Variants in GALNT10 observed in about 807,000 individuals in gnomAD.
GALNT10 encodes the protein GalNAc transferase 10.
A neutral mutation model predicts 75.0 loss-of-function variants in GALNT10; 41 were observed. The observed-to-expected ratio is 0.55, with a 90% CI of 0.43 to 0.71. The LOEUF is 0.71. Ranked by LOEUF, GALNT10 falls within the 30% of genes least tolerant of loss-of-function variation. The pLI is 0.00. For missense variants in GALNT10, 727 were observed against 818.5 expected (o/e 0.89, Z 1.36); for synonymous variants, 302 against 313.0 (o/e 0.96, Z 0.37).
At chr5:154,248,997 A>C (rs1374562338) in intron 1 of GALNT10, among the ~76,000 whole-genome samples, 1 of 152,250 alleles carries the variant, frequency 6.6e-6, no homozygotes, top group Non-Finnish European at 1.5e-5. Flanking sequence ...GTTTTGAAAG[A>C]GCTCTCAGTA....
At chr5:154,304,148 G>T (rs1754397276) in intron 3 of GALNT10, among the ~76,000 whole-genome samples, 1 of 152,014 alleles carries the variant, frequency 6.6e-6, no homozygotes, top group Non-Finnish European at 1.5e-5. Flanking sequence ...TTGAAAAGAG[G>T]TTCAATTACC....
At chr5:154,364,347 A>G (rs1184985866) in intron 4 of GALNT10, among the ~76,000 whole-genome samples, 1 of 152,172 alleles carries the variant, frequency 6.6e-6, no homozygotes, top group Non-Finnish European at 1.5e-5. Context: ...TGTGAATGAG[A>G]TGAGAGGTGA....
intron 1 of GALNT10, among the ~76,000 whole-genome samples, chr5:154,280,732 A>C (rs1042600363): frequency 6.6e-6 from 1 of 152,156 alleles, no homozygotes; most frequent in Non-Finnish European, 1.5e-5. Context: ...TTTCTCACAT[A>C]CTTTCTTCTA....
intron 4 of GALNT10, among the ~76,000 whole-genome samples, chr5:154,333,244 A>T (rs943638762): frequency 1.3e-5 from 2 of 152,140 alleles, no homozygotes; most frequent in Non-Finnish European, 2.9e-5. Context: ...CGAGGCCTGG[A>T]GCAGTAGGCA....
chr5:154,274,554 A>G (rs1753921082), intron 1 of GALNT10, among the ~76,000 whole-genome samples: 1 of 152,154 alleles, frequency 6.6e-6, no homozygotes, highest in African/African-American at 2.4e-5. Flanking sequence ...GGTCACCATC[A>G]TCGTCACCAA....
At chr5:154,195,984 G>A (rs1317792981) in intron 1 of GALNT10, among the ~76,000 whole-genome samples, 1 of 152,026 alleles carries the variant, frequency 6.6e-6, no homozygotes, top group Admixed American at 6.5e-5. Flanking sequence ...GTGCAATGGC[G>A]TGATCTCGGC....
At chr5:154,351,503 C>A (rs2113144278) in intron 4 of GALNT10, among the ~76,000 whole-genome samples, 1 of 152,284 alleles carries the variant, frequency 6.6e-6, no homozygotes, top group East Asian at 1.9e-4. Context: ...TTCTACAATG[C>A]AATATTTTTA....
At chr5:154,415,657 T>C in intron 10 of GALNT10, 126 bp from the exon 11 acceptor site, 1 of 936,866 alleles carries the variant, frequency 1.1e-6, no homozygotes, top group South Asian at 1.8e-5. Flanking sequence ...AGCTAGGTGG[T>C]TAGAACAGGT....
chr5:154,192,258 A>G (rs542772992), intron 1 of GALNT10, among the ~76,000 whole-genome samples: 1 of 152,284 alleles, frequency 6.6e-6, no homozygotes, highest in East Asian at 1.9e-4. Context: ...GACCAATTTG[A>G]GCTCCGCCTG....
intron 1 of GALNT10, among the ~76,000 whole-genome samples, chr5:154,269,481 T>A (rs1753828997): frequency 6.6e-6 from 1 of 152,208 alleles, no homozygotes; most frequent in South Asian, 2.1e-4. Context: ...CTCCTTCATG[T>A]GGTATCAGAA....
At chr5:154,246,926 G>T (rs926118776) in intron 1 of GALNT10, among the ~76,000 whole-genome samples, 3 of 152,140 alleles carry the variant, frequency 2.0e-5, no homozygotes, top group African/African-American at 7.2e-5. Flanking sequence ...TTTCTTCTAG[G>T]GTTTTTATGG....
chr5:154,349,033 G>A lies in GALNT10; in HGVS notation c.568+19295G>A, dbSNP rs564537961. On this transcript the variant is annotated intron_variant, in intron 4 of 11. Transcript: ENST00000297107. ...GGGTTAAATAGATCCTAAGGGGGTG[G>A]CTCAAGGCTCTCACTTGAGGTTAGA... Among the ~76,000 whole-genome samples, 7 of 152,152 alleles carry A rather than the reference G, an allele frequency of 4.6e-5. No homozygotes were observed. The South Asian group carries it at 1.3e-3, about 27-fold the overall frequency.
At chr5:154,215,898 G>T (rs1752865954) in intron 1 of GALNT10, among the ~76,000 whole-genome samples, 1 of 152,176 alleles carries the variant, frequency 6.6e-6, no homozygotes, top group Non-Finnish European at 1.5e-5. Context: ...CTGAGCATCT[G>T]CATACCTTTC....
chr5:154,226,072 A>G (rs1023137430), intron 1 of GALNT10, among the ~76,000 whole-genome samples: 2 of 152,150 alleles, frequency 1.3e-5, no homozygotes, highest in African/African-American at 4.8e-5. Flanking sequence ...AACATGGCAC[A>G]TGTATATATA....
At chr5:154,320,844 C>A (rs1250384337) in intron 3 of GALNT10, among the ~76,000 whole-genome samples, 1 of 152,176 alleles carries the variant, frequency 6.6e-6, no homozygotes, top group Non-Finnish European at 1.5e-5. Context: ...TCCATCAGAA[C>A]TGGACTACTG....
intron 1 of GALNT10, among the ~76,000 whole-genome samples, chr5:154,252,360 G>A (rs1044810340): frequency 3.9e-5 from 6 of 152,018 alleles, no homozygotes; most frequent in African/African-American, 9.7e-5. Flanking sequence ...GATTCCTTAC[G>A]GAGCACTAGT....
In GALNT10 at chr5:154,321,164, T is replaced by C. The variant is rs146928616; in HGVS notation, c.402-8408T>C. ...ATCTAACCCTCTCTCCACCCCTCAA[T>C]CCACTATACGTTTTGATGCATTTCA... On this transcript the variant is annotated intron_variant, in intron 3 of 11. Coordinates refer to ENST00000297107, the MANE Select transcript of GALNT10 (RefSeq NM_198321.4). Among the ~76,000 whole-genome samples, 679 of 152,296 alleles carry C rather than the reference T, an allele frequency of 4.5e-3. 5 individuals are homozygous for C. The highest frequency in any genetic ancestry group is 0.015 in the African/African-American group (636 of 41,560).
At chr5:154,220,707 C>T (rs1046729392) in intron 1 of GALNT10, among the ~76,000 whole-genome samples, 1 of 152,186 alleles carries the variant, frequency 6.6e-6, no homozygotes, top group Non-Finnish European at 1.5e-5. Context: ...AAGCTGGAGC[C>T]ATCTGATGGG....
intron 1 of GALNT10, among the ~76,000 whole-genome samples, chr5:154,205,263 G>T (rs1775089109): frequency 6.6e-6 from 1 of 152,222 alleles, no homozygotes; most frequent in South Asian, 2.1e-4. Flanking sequence ...AGCAGCTCCT[G>T]TCCTCAGTCC....
Sources: allele counts gnomAD v4.1 joint callset (sites outside exome capture counted in the v4.1 genomes callset), GRCh38; gene constraint gnomAD v4.1.1; transcripts MANE v1.5; gene names NCBI Gene and HGNC (gene_info 2026-07-23, HGNC 2026-07-21).